The following MFHAS1 variants were observed in gnomAD, a reference collection of about 807,000 sequenced individuals.
MFHAS1 encodes the protein malignant fibrous histiocytoma-amplified sequence 1.
A neutral mutation model predicts 70.4 loss-of-function variants in MFHAS1; 50 were observed. The observed-to-expected ratio is 0.71, with a 90% CI of 0.57 to 0.90. The LOEUF is 0.90. Among genes scored for constraint, MFHAS1 ranks in the 40% least tolerant of loss-of-function variants. The probability of loss-of-function intolerance (pLI) is 0.00; values close to 1 mark genes in which losing one functional copy is unlikely to be tolerated. For missense variants in MFHAS1, 1,795 were observed against 1,347.6 expected (o/e 1.33, Z -5.20); for synonymous variants, 952 against 620.0 (o/e 1.54, Z -7.96).
intron 1 of MFHAS1, among the ~76,000 whole-genome samples, chr8:8,806,804 T>C (rs1290645581): frequency 2.0e-5 from 3 of 151,804 alleles, no homozygotes; most frequent in East Asian, 1.9e-4. Context: ...CTACTAAACA[T>C]ACAAAAATTA....
At chr8:8,798,717 C>A (rs1401585579) in intron 1 of MFHAS1, among the ~76,000 whole-genome samples, 2 of 152,124 alleles carry the variant, frequency 1.3e-5, no homozygotes, top group Admixed American at 6.5e-5. Context: ...ACAACTTCAA[C>A]TCTCTGCACC....
chr8:8,797,529 GCACTAAAAATGGGC>G, intron 1 of MFHAS1, 38 bp from the exon 2 acceptor site: 2 of 1,593,720 alleles, frequency 1.3e-6, no homozygotes, highest in Non-Finnish European at 8.6e-7. Flanking sequence ...AGGGAGATGT[GCACTAAAAATGGGC>G]TCATTTTACA....
chr8:8,875,081 T>A (rs1262897742), intron 1 of MFHAS1, among the ~76,000 whole-genome samples: 3 of 152,216 alleles, frequency 2.0e-5, no homozygotes, highest in Non-Finnish European at 2.9e-5. Context: ...ATTTTATAGA[T>A]GATACCCAAT....
intron 1 of MFHAS1, among the ~76,000 whole-genome samples, chr8:8,798,194 G>C (rs552188626): frequency 4.7e-4 from 71 of 152,316 alleles, no homozygotes; most frequent in Middle Eastern, 3.4e-3. Context: ...TAAAAGCAGT[G>C]ATGACTTCCA....
At chr8:8,854,746 G>A (rs187419231) in intron 1 of MFHAS1, among the ~76,000 whole-genome samples, 280 of 152,110 alleles carry the variant, frequency 1.8e-3, no homozygotes, top group Middle Eastern at 6.8e-3. Flanking sequence ...ACATCACATG[G>A]AACATATTTA....
rs1176463883 is a variant in MFHAS1, at chr8:8,890,981, G to A, written c.2078C>T (p.Ala693Val). Residue 693 changes from alanine (A) to valine (V), a missense_variant, in exon 1 of 3, where the codon GCG (alanine) becomes GTG (valine). Coordinates refer to ENST00000276282, the MANE Select transcript of MFHAS1 (RefSeq NM_004225.3). ...CTGCAGTCGGTCCTCGGTCAGACCC[G>A]CCTGCAGGCCCAAGCGCGCCGAGTC... ...WWDSARLGLQ[A>V]GLTEDRLQSA... 9.3e-6 allele frequency: 15 copies of A among 1,613,902 alleles called. No individual in the cohort carries two copies. The highest frequency in any genetic ancestry group is 8.8e-5 in the South Asian group (8 of 91,070).
intron 1 of MFHAS1, among the ~76,000 whole-genome samples, chr8:8,830,884 A>T (rs575047208): frequency 6.6e-6 from 1 of 152,332 alleles, no homozygotes; most frequent in Non-Finnish European, 1.5e-5. Flanking sequence ...GGCATGAGCC[A>T]CCGTGCCCAG....
intron 1 of MFHAS1, among the ~76,000 whole-genome samples, chr8:8,874,552 A>T (rs982771320): frequency 6.6e-6 from 1 of 152,220 alleles, no homozygotes; most frequent in African/African-American, 2.4e-5. Flanking sequence ...AACATTTTAC[A>T]GAGGAGACAG....
intron 1 of MFHAS1, among the ~76,000 whole-genome samples, chr8:8,840,233 G>C (rs149708133): frequency 6.6e-6 from 1 of 152,158 alleles, no homozygotes; most frequent in Non-Finnish European, 1.5e-5. Flanking sequence ...GAAGCGGGCA[G>C]ATCACTTGAG....
At chr8:8,815,990 A>G (rs547381392) in intron 1 of MFHAS1, among the ~76,000 whole-genome samples, 13 of 152,376 alleles carry the variant, frequency 8.5e-5, no homozygotes, top group Admixed American at 7.2e-4. Flanking sequence ...GGAATGAGCC[A>G]TGGATATATA....
intron 1 of MFHAS1, among the ~76,000 whole-genome samples, chr8:8,844,973 AAAG>A (rs1012580175): frequency 7.2e-5 from 11 of 152,188 alleles, no homozygotes; most frequent in Admixed American, 2.0e-4. Flanking sequence ...AAGAGCAACA[AAAG>A]AAGAAGAAGA....
chr8:8,809,056 T>A (rs78226980), intron 1 of MFHAS1, among the ~76,000 whole-genome samples: 27 of 152,146 alleles, frequency 1.8e-4, no homozygotes, highest in Admixed American at 6.5e-4. Context: ...CAAACCCTAC[T>A]GTGAACTTGT....
intron 1 of MFHAS1, among the ~76,000 whole-genome samples, chr8:8,834,592 G>A (rs1191705256): frequency 1.3e-5 from 2 of 152,130 alleles, no homozygotes; most frequent in African/African-American, 2.4e-5. Flanking sequence ...TCTATTCTAG[G>A]AGCAACAGGC....
Position 8,891,141 on chromosome 8 carries a change from C to T in MFHAS1, c.1918G>A (p.Asp640Asn). ...RDPRHLRRLR[D>N]KLLSVAEHRE... ...TGCTCAGCAACTGACAGCAACTTGT[C>T]CCGAAGGCGTCGTAAGTGGCGCGGG... The change falls in exon 1 of 3, where the codon GAC (aspartate) becomes AAC (asparagine). Residue 640 changes from aspartate to asparagine, a missense_variant. Coordinates refer to ENST00000276282, the MANE Select transcript of MFHAS1 (RefSeq NM_004225.3). This position sits in a 1 kb window ranked among gnomAD's most constrained non-coding sequence, Gnocchi z 5.4. 6.2e-7 allele frequency: 1 copy of T among 1,613,700 alleles called. No homozygotes were observed. Among genetic ancestry groups the T allele is most frequent in the Non-Finnish European group, 8.5e-7 (1 of 1,180,020 alleles).
At chr8:8,818,425 T>G (rs1806825242) in intron 1 of MFHAS1, among the ~76,000 whole-genome samples, 1 of 152,206 alleles carries the variant, frequency 6.6e-6, no homozygotes. Context: ...ATTTCTATTT[T>G]TCTACGAGGA....
At chr8:8,865,276 C>CAAAAAAAAAA (rs35910015) in intron 1 of MFHAS1, among the ~76,000 whole-genome samples, 1 of 64,672 alleles carries the variant, frequency 1.5e-5, no homozygotes, top group African/African-American at 6.0e-5. Flanking sequence ...GACTCCATCT[C>CAAAAAAAAAA]AAAAAAAAAA....
Position 8,881,753 on chromosome 8 carries a change from G to A in MFHAS1, c.2998+8308C>T, listed in dbSNP as rs145320656. On this transcript the variant is annotated intron_variant, in intron 1 of 2. Coordinates refer to ENST00000276282, the MANE Select transcript of MFHAS1 (RefSeq NM_004225.3). ...AGAGGCTGAGACAGGAGAATCACTT[G>A]AACTTAGGCAGGAGAATTGAGCCAC... Among the ~76,000 whole-genome samples, 297 of 147,890 alleles carry A rather than the reference G, an allele frequency of 2.0e-3. 2 individuals are homozygous for A. Among genetic ancestry groups the A allele is most frequent in the Admixed American group, 0.014 (202 of 14,450 alleles).
At chr8:8,874,589 G>T (rs567051644) in intron 1 of MFHAS1, among the ~76,000 whole-genome samples, 1 of 152,060 alleles carries the variant, frequency 6.6e-6, no homozygotes, top group African/African-American at 2.4e-5. Flanking sequence ...GAAAAAGGGG[G>T]CTTTGCTAAT....
intron 1 of MFHAS1, among the ~76,000 whole-genome samples, chr8:8,811,551 T>G (rs1054438594): frequency 3.3e-5 from 5 of 152,218 alleles, no homozygotes; most frequent in Non-Finnish European, 1.5e-5. Flanking sequence ...GTGCTGGGAT[T>G]ACCGGCGTGA....
Sources: gnomAD v4.1 joint callset for allele counts (sites outside exome capture counted in the v4.1 genomes callset) on GRCh38, gnomAD v4.1.1 for gene constraint, Gnocchi (gnomAD v3.1) non-coding constraint, MANE v1.5 for transcripts, NCBI Gene and HGNC (gene_info 2026-07-23, HGNC 2026-07-21) for gene names.